TMTC2: variants seen among roughly 807,000 people sequenced by gnomAD.
TMTC2 encodes transmembrane O-mannosyltransferase targeting cadherins 2, also known as protein O-mannosyl-transferase TMTC2.
In TMTC2, 43 loss-of-function variants were observed where a neutral mutation model predicts 82.4. The ratio of observed to expected loss-of-function variants is 0.52; its 90% CI spans 0.41 to 0.67. The LOEUF (loss-of-function observed/expected upper bound fraction) is 0.67. Among genes scored for constraint, TMTC2 ranks in the 30% least tolerant of loss-of-function variants. The probability of loss-of-function intolerance (pLI) is 0.00; values close to 1 mark genes in which losing one functional copy is unlikely to be tolerated. For missense variants in TMTC2, 919 were observed against 1,012.4 expected, an observed-to-expected ratio of 0.91 and a Z score of 1.25; for synonymous variants, 408 against 381.9, an observed-to-expected ratio of 1.07 and a Z score of -0.80.
chr12:82,703,916 G>A (rs940821478), intron 1 of TMTC2, among the ~76,000 whole-genome samples: 1 of 152,162 alleles, frequency 6.6e-6, no homozygotes, highest in Non-Finnish European at 1.5e-5. Flanking sequence ...GTAGCTCTGT[G>A]GTATTTAGCC....
At chr12:82,750,239 A>G (rs2136964766) in intron 1 of TMTC2, among the ~76,000 whole-genome samples, 1 of 45,822 alleles carries the variant, frequency 2.2e-5, no homozygotes, top group East Asian at 9.7e-4. Context: ...TAAAAGTTTA[A>G]TCTTTTTTTT....
In TMTC2 at chr12:82,934,659, T is replaced by G. The variant is rs143388262; in HGVS notation, c.1598+4114T>G. Among the ~76,000 whole-genome samples, 294 of 152,330 alleles carry G rather than the reference T, an allele frequency of 1.9e-3. 1 individual carries two copies. Among genetic ancestry groups the G allele is most frequent in the African/African-American group, 6.7e-3 (278 of 41,578 alleles). Reference sequence around the variant, plus strand: ...GGCATTTGGGATTGTTCCAAGTCTTTGCTATTGTGAACACTGCTGCAATAA... The same window carrying G: ...GGCATTTGGGATTGTTCCAAGTCTTGGCTATTGTGAACACTGCTGCAATAA... On this transcript the variant is annotated intron_variant, in intron 4 of 11. Coordinates refer to ENST00000321196, the MANE Select transcript of TMTC2 (RefSeq NM_152588.3).
At chr12:83,005,401 G>A (rs1565849023) in intron 8 of TMTC2, among the ~76,000 whole-genome samples, 1 of 151,490 alleles carries the variant, frequency 6.6e-6, no homozygotes, top group Non-Finnish European at 1.5e-5. Context: ...TTGTGATTCA[G>A]CACCTTTGCA....
chr12:82,719,973 C>T (rs1015104697), intron 1 of TMTC2, among the ~76,000 whole-genome samples: 1 of 152,222 alleles, frequency 6.6e-6, no homozygotes, highest in Non-Finnish European at 1.5e-5. Context: ...TAAAGTGATG[C>T]CAATTTTGAA....
chr12:82,874,227 T>C (rs1050044074), intron 2 of TMTC2, among the ~76,000 whole-genome samples: 5 of 152,194 alleles, frequency 3.3e-5, no homozygotes, highest in South Asian at 2.1e-4. Context: ...ACATAAACCC[T>C]GCAGTTCTAA....
chr12:83,079,870 G>A (rs1883405779), intron 11 of TMTC2, among the ~76,000 whole-genome samples: 1 of 152,010 alleles, frequency 6.6e-6, no homozygotes, highest in Admixed American at 6.6e-5. Context: ...TACCTATATT[G>A]AGTTACCATT....
At chr12:82,869,608 G>A (rs1395251386) in intron 2 of TMTC2, among the ~76,000 whole-genome samples, 2 of 152,110 alleles carry the variant, frequency 1.3e-5, no homozygotes, top group Non-Finnish European at 2.9e-5. Context: ...GGGAGGCCGA[G>A]GTGGGTGGAT....
chr12:82,869,838 C>CAA (rs554323207), intron 2 of TMTC2, among the ~76,000 whole-genome samples: 2 of 123,332 alleles, frequency 1.6e-5, no homozygotes, highest in African/African-American at 6.1e-5. Flanking sequence ...GACCCTGTCT[C>CAA]AAAAAAAAAA....
At chr12:82,787,395 CTTAAAGGATT>C (rs1878227264) in intron 1 of TMTC2, among the ~76,000 whole-genome samples, 1 of 151,882 alleles carries the variant, frequency 6.6e-6, no homozygotes, top group Non-Finnish European at 1.5e-5. Flanking sequence ...AGACTTTATT[CTTAAAGGATT>C]TGAAAAAAAT....
chr12:83,032,122 GCTGC>G (rs1881451967), intron 9 of TMTC2, among the ~76,000 whole-genome samples: 1 of 151,614 alleles, frequency 6.6e-6, no homozygotes, highest in Non-Finnish European at 1.5e-5. Context: ...GTGCTAAAAG[GCTGC>G]CTGTCATTGC....
chr12:82,704,431 A>G (rs886610377), intron 1 of TMTC2, among the ~76,000 whole-genome samples: 2 of 152,318 alleles, frequency 1.3e-5, no homozygotes, highest in Admixed American at 6.5e-5. Flanking sequence ...ATAAAAGTAG[A>G]GTAAATACAT....
At chr12:82,862,157 G>A (rs376139890) in intron 2 of TMTC2, among the ~76,000 whole-genome samples, 1 of 152,120 alleles carries the variant, frequency 6.6e-6, no homozygotes, top group East Asian at 1.9e-4. Flanking sequence ...AATAAGGGGG[G>A]AAAAGCCCTT....
chr12:83,024,840 A>G (rs554381301), intron 8 of TMTC2, among the ~76,000 whole-genome samples: 2 of 152,314 alleles, frequency 1.3e-5, no homozygotes, highest in Non-Finnish European at 2.9e-5. Context: ...CCGCTCTGTA[A>G]TTTACTAATA....
chr12:82,868,186 A>G (rs927137290), intron 2 of TMTC2, among the ~76,000 whole-genome samples: 4 of 152,168 alleles, frequency 2.6e-5, no homozygotes, highest in Non-Finnish European at 5.9e-5. Flanking sequence ...GCATTTTTGT[A>G]GCATTTTCAG....
chr12:83,057,794 C>A (rs1274862038), intron 10 of TMTC2, among the ~76,000 whole-genome samples: 1 of 151,656 alleles, frequency 6.6e-6, no homozygotes, highest in Non-Finnish European at 1.5e-5. Context: ...TTGTATGTAT[C>A]CGTGGTTTTT....
intron 7 of TMTC2, 24 bp from the exon 8 acceptor site, chr12:82,985,901 C>T (rs1879133450): frequency 1.9e-6 from 3 of 1,608,638 alleles, no homozygotes; most frequent in East Asian, 2.2e-5. Flanking sequence ...TCCCTTTGAC[C>T]TTCATGATTA....
At chr12:82,851,636 C>T (rs1870981786) in intron 1 of TMTC2, among the ~76,000 whole-genome samples, 1 of 152,198 alleles carries the variant, frequency 6.6e-6, no homozygotes, top group Admixed American at 6.5e-5. Flanking sequence ...TTCTTAACTG[C>T]TGCATTGCAC....
intron 1 of TMTC2, among the ~76,000 whole-genome samples, chr12:82,696,190 C>A (rs1592853937): frequency 6.6e-6 from 1 of 152,270 alleles, no homozygotes; most frequent in East Asian, 1.9e-4. Flanking sequence ...GAAGCTTAAT[C>A]AGGCAAAAAG....
At chr12:83,036,783 G>A (rs1219751058) in intron 9 of TMTC2, among the ~76,000 whole-genome samples, 1 of 152,104 alleles carries the variant, frequency 6.6e-6, no homozygotes, top group Non-Finnish European at 1.5e-5. Context: ...ATTTATGTCT[G>A]CAGGCTGGAA....
Sources: gnomAD v4.1 joint callset for allele counts (sites outside exome capture counted in the v4.1 genomes callset) on GRCh38, gnomAD v4.1.1 for gene constraint, MANE v1.5 for transcripts, NCBI Gene and HGNC (gene_info 2026-07-23, HGNC 2026-07-21) for gene names.